ZNF678: variants seen among roughly 807,000 people sequenced by gnomAD.
ZNF678 encodes the protein zinc finger protein 678, also known as hypothetical protein MGC42493.
A neutral mutation model predicts 3.0 loss-of-function variants in ZNF678; 5 were observed. The ratio of observed to expected loss-of-function variants is 1.69; its 90% CI spans 0.88 to 3.56. ZNF678 has a LOEUF of 3.56. Among genes scored for constraint, ZNF678 ranks in the 30% most tolerant of loss-of-function variants. The pLI, the probability that ZNF678 is intolerant of heterozygous loss-of-function variation, is 0.00. For missense variants in ZNF678, 593 were observed against 605.0 expected, an observed-to-expected ratio of 0.98 and a Z score of 0.21; for synonymous variants, 218 against 199.6, an observed-to-expected ratio of 1.09 and a Z score of -0.78.
At chr1:227,632,214 T>C (rs919648745) in intron 1 of ZNF678, among the ~76,000 whole-genome samples, 57 of 152,124 alleles carry the variant, frequency 3.7e-4, no homozygotes, top group African/African-American at 1.3e-3. Context: ...GTTCATAGCC[T>C]AGTGCCTAAG....
intron 3 of ZNF678, among the ~76,000 whole-genome samples, chr1:227,652,414 T>G (rs1292937174): frequency 1.3e-5 from 2 of 152,148 alleles, no homozygotes; most frequent in African/African-American, 4.8e-5. Context: ...CTTTATTCAG[T>G]CTTTTGATTG....
intron 1 of ZNF678, among the ~76,000 whole-genome samples, chr1:227,593,855 TCC>T (rs75114799): frequency 0.19 from 11,748 of 63,494 alleles, 620 homozygotes; most frequent in Middle Eastern, 0.28. Context: ...TATGAGTCCA[TCC>T]CCCCCCCCCC....
intron 1 of ZNF678, among the ~76,000 whole-genome samples, chr1:227,570,955 A>C (rs116208715): frequency 5.8e-4 from 88 of 152,160 alleles, no homozygotes; most frequent in African/African-American, 1.8e-3. Flanking sequence ...ACTTTTTTCA[A>C]CCTCTGTCCA....
chr1:227,623,534 A>C (rs1382650029), intron 1 of ZNF678, among the ~76,000 whole-genome samples: 1 of 152,208 alleles, frequency 6.6e-6, no homozygotes, highest in Non-Finnish European at 1.5e-5. Flanking sequence ...TGGTCGTTGA[A>C]ATTTTTTTTA....
chr1:227,667,103 G>A (rs1659515729), downstream of ZNF678, among the ~76,000 whole-genome samples: 1 of 151,640 alleles, frequency 6.6e-6, no homozygotes, highest in Admixed American at 6.6e-5. Flanking sequence ...GGGTGCAGTG[G>A]AGTGATTTTG....
chr1:227,565,425 T>A (rs1484486967), intron 1 of ZNF678, among the ~76,000 whole-genome samples: 1 of 152,190 alleles, frequency 6.6e-6, no homozygotes, highest in Non-Finnish European at 1.5e-5. Context: ...GACATTGTCA[T>A]AGCTCACTGA....
intron 1 of ZNF678, among the ~76,000 whole-genome samples, chr1:227,565,858 C>G (rs933806661): frequency 6.6e-6 from 1 of 152,152 alleles, no homozygotes; most frequent in Middle Eastern, 3.2e-3. Context: ...CTCCCGTGTT[C>G]ACGCCATTCT....
intron 5 of ZNF678, among the ~76,000 whole-genome samples, chr1:227,673,807 A>G (rs1039266614): frequency 6.6e-6 from 1 of 152,120 alleles, no homozygotes; most frequent in East Asian, 1.9e-4. Flanking sequence ...CAAATATTCC[A>G]GTTTTTCAAA....
At chr1:227,583,868 A>G (rs1395857317) in intron 1 of ZNF678, among the ~76,000 whole-genome samples, 1 of 152,168 alleles carries the variant, frequency 6.6e-6, no homozygotes, top group African/African-American at 2.4e-5. Context: ...GGCTCTAGCT[A>G]CTCAATCACC....
downstream of ZNF678, among the ~76,000 whole-genome samples, chr1:227,666,880 G>T (rs903246738): frequency 6.6e-6 from 1 of 151,420 alleles, no homozygotes; most frequent in Non-Finnish European, 1.5e-5. Context: ...AAGTAGCTGG[G>T]ATTACGGGCA....
intron 1 of ZNF678, among the ~76,000 whole-genome samples, chr1:227,603,130 G>A (rs1657776753): frequency 1.3e-5 from 2 of 152,318 alleles, no homozygotes; most frequent in South Asian, 2.1e-4. Context: ...GCATCTCCAC[G>A]TGTGAATGAA....
intron 1 of ZNF678, among the ~76,000 whole-genome samples, chr1:227,580,098 A>G (rs1657087827): frequency 6.6e-6 from 1 of 151,956 alleles, no homozygotes; most frequent in Admixed American, 6.6e-5. Context: ...TGACAGTTCA[A>G]CTTGTTCTCC....
intron 1 of ZNF678, among the ~76,000 whole-genome samples, chr1:227,601,205 A>C (rs1657728913): frequency 6.6e-6 from 1 of 152,068 alleles, no homozygotes; most frequent in Non-Finnish European, 1.5e-5. Flanking sequence ...TACTTCCAGC[A>C]TTGTTATTTT....
At position 227,667,945 on chromosome 1, in the gene ZNF678, C is replaced by T. The variant is rs191314633; in HGVS notation, c.227-9234C>T. Among the ~76,000 whole-genome samples the T allele has an allele frequency of 5.7e-3, 872 of 152,202 alleles. 1 individual carries two copies. Among genetic ancestry groups the T allele is most frequent in the Non-Finnish European group, 8.2e-3 (559 of 67,996 alleles). On this transcript the variant is annotated intron_variant, in intron 5 of 5. Coordinates refer to the ZNF678 transcript ENST00000608949. ...TTCAAATGGGTGTATTTTTCTTTAT[C>T]CCACTGCCCTGAGTTTATTGAAAAT...
chr1:227,613,724 G>A (rs1658078652), intron 1 of ZNF678, among the ~76,000 whole-genome samples: 1 of 152,150 alleles, frequency 6.6e-6, no homozygotes, highest in Non-Finnish European at 1.5e-5. Context: ...TTGATAGCCT[G>A]TGCAAACCCC....
At chr1:227,617,862 G>A (rs1174531933) in intron 1 of ZNF678, among the ~76,000 whole-genome samples, 1 of 152,100 alleles carries the variant, frequency 6.6e-6, no homozygotes, top group Non-Finnish European at 1.5e-5. Flanking sequence ...TTTAAATCAC[G>A]TGGCTAGGAT....
rs139429924 is a variant in ZNF678, at chr1:227,579,316, G to C, written c.-164+15592G>C. ...TTAGGGCCAGGGTGCTAGTGGTGCA[G>C]GTCTGGGTGCTTAATCTGTGCCCTA... On this transcript the variant is annotated intron_variant, in intron 1 of 3. Coordinates refer to ENST00000343776, the MANE Select transcript of ZNF678 (RefSeq NM_001367909.1). Among the ~76,000 whole-genome samples the C allele has an allele frequency of 4.6e-3, 698 of 152,232 alleles. 19 individuals carry two copies. The South Asian group carries it at 0.057, about 12-fold the overall frequency.
intron 1 of ZNF678, among the ~76,000 whole-genome samples, chr1:227,567,222 A>G (rs1208431381): frequency 3.9e-5 from 6 of 152,224 alleles, no homozygotes; most frequent in African/African-American, 7.2e-5. Flanking sequence ...AGGAATAGAC[A>G]CTTTTGCCTT....
chr1:227,593,612 C>G (rs1017666517), intron 1 of ZNF678, among the ~76,000 whole-genome samples: 1 of 152,092 alleles, frequency 6.6e-6, no homozygotes, highest in African/African-American at 2.4e-5. Flanking sequence ...AGAAAGCTGT[C>G]TTTGACTTGC....
Sources: gnomAD v4.1 joint callset for allele counts (sites outside exome capture counted in the v4.1 genomes callset) on GRCh38, gnomAD v4.1.1 for gene constraint, MANE v1.5 for transcripts, NCBI Gene and HGNC (gene_info 2026-07-23, HGNC 2026-07-21) for gene names.